FARS2: variants seen among roughly 807,000 people sequenced by gnomAD.
The protein encoded by FARS2 is phenylalanyl-tRNA synthetase 2, mitochondrial.
FARS2 carries 40 observed loss-of-function variants against 46.4 expected under a neutral mutation model. The observed-to-expected ratio is 0.86, with a 90% CI of 0.67 to 1.12. The LOEUF (loss-of-function observed/expected upper bound fraction) is 1.12, where lower values mean the gene tolerates loss of function less well. FARS2 is among the 50% of genes most tolerant of loss of function. FARS2 has a pLI of 0.00. For missense variants in FARS2, 513 were observed against 567.9 expected, an observed-to-expected ratio of 0.90 and a Z score of 0.98; for synonymous variants, 234 against 214.9, an observed-to-expected ratio of 1.09 and a Z score of -0.78.
intron 5 of FARS2, among the ~76,000 whole-genome samples, chr6:5,566,134 C>G (rs1053014420): frequency 1.3e-5 from 2 of 152,140 alleles, no homozygotes; most frequent in African/African-American, 4.8e-5. Context: ...GAGAAGACAG[C>G]GTAGTGCTTG....
At chr6:5,402,694 C>T (rs1226135075) in intron 2 of FARS2, among the ~76,000 whole-genome samples, 1 of 151,976 alleles carries the variant, frequency 6.6e-6, no homozygotes, top group East Asian at 1.9e-4. Context: ...TTTTCTCTTC[C>T]TACTCAATTG....
At chr6:5,701,088 G>A (rs1758404492) in intron 6 of FARS2, among the ~76,000 whole-genome samples, 1 of 152,268 alleles carries the variant, frequency 6.6e-6, no homozygotes, top group Admixed American at 6.5e-5. Context: ...AAAGGGTCCA[G>A]AAGGATCTAT....
At chr6:5,463,626 C>T (rs1212943138) in intron 4 of FARS2, among the ~76,000 whole-genome samples, 1 of 151,884 alleles carries the variant, frequency 6.6e-6, no homozygotes, top group Non-Finnish European at 1.5e-5. Flanking sequence ...TTTAATAATA[C>T]AAATTATCTG....
chr6:5,671,203 T>G (rs1778437779), intron 6 of FARS2, among the ~76,000 whole-genome samples: 1 of 152,344 alleles, frequency 6.6e-6, no homozygotes, highest in East Asian at 1.9e-4. Flanking sequence ...GGCCTGTTGC[T>G]GGCCAGAAGC....
intron 5 of FARS2, among the ~76,000 whole-genome samples, chr6:5,546,907 A>T (rs1254658124): frequency 6.6e-6 from 1 of 150,948 alleles, no homozygotes; most frequent in Non-Finnish European, 1.5e-5. Flanking sequence ...TCTTCCTTAA[A>T]TTCTTTCACA....
In FARS2 at chr6:5,562,522, C is replaced by T. The variant is rs187129083; in HGVS notation, c.1065+17182C>T. Among the ~76,000 whole-genome samples, 314 of 152,248 alleles carry T rather than the reference C, an allele frequency of 2.1e-3. 2 individuals are homozygous for T. The highest frequency in any genetic ancestry group is 0.017 in the Middle Eastern group (5 of 294). On this transcript the variant is annotated intron_variant, in intron 5 of 6. Transcript: ENST00000274680. Reference sequence around the variant, plus strand: ...ATAATCTCCTTAACATTCAGGTTTTCGGATGAGTGTTCATCAGAAAGCAAG... The same window carrying T: ...ATAATCTCCTTAACATTCAGGTTTTTGGATGAGTGTTCATCAGAAAGCAAG...
At chr6:5,283,779 A>G (rs1240463244) in intron 1 of FARS2, among the ~76,000 whole-genome samples, 2 of 151,504 alleles carry the variant, frequency 1.3e-5, no homozygotes, top group East Asian at 1.9e-4. Context: ...TATCAAATGT[A>G]TCAATACATG....
At chr6:5,513,720 G>T (rs1768596956) in intron 4 of FARS2, among the ~76,000 whole-genome samples, 1 of 152,166 alleles carries the variant, frequency 6.6e-6, no homozygotes, top group Non-Finnish European at 1.5e-5. Context: ...TGTTTATTAA[G>T]CGTTTAGTTT....
At chr6:5,294,244 A>G (rs939782949) in intron 1 of FARS2, among the ~76,000 whole-genome samples, 1 of 152,074 alleles carries the variant, frequency 6.6e-6, no homozygotes, top group Non-Finnish European at 1.5e-5. Context: ...CCTTGGTGTA[A>G]AAGGAGGTGG....
At chr6:5,466,119 C>T (rs1161912549) in intron 4 of FARS2, among the ~76,000 whole-genome samples, 1 of 152,160 alleles carries the variant, frequency 6.6e-6, no homozygotes, top group Non-Finnish European at 1.5e-5. Context: ...TAATGCGTAG[C>T]TCTCTGAATG....
At chr6:5,385,012 G>T (rs1398850118) in intron 2 of FARS2, among the ~76,000 whole-genome samples, 1 of 152,096 alleles carries the variant, frequency 6.6e-6, no homozygotes. Flanking sequence ...TTGATTAATT[G>T]GCATGTGGTG....
At chr6:5,709,904 A>T (rs148104541) in intron 6 of FARS2, among the ~76,000 whole-genome samples, 4 of 152,194 alleles carry the variant, frequency 2.6e-5, no homozygotes, top group Middle Eastern at 3.4e-3. Context: ...ATTAACCTGC[A>T]CTTCTTAGCT....
chr6:5,387,227 C>T (rs1447047603), intron 2 of FARS2, among the ~76,000 whole-genome samples: 1 of 152,150 alleles, frequency 6.6e-6, no homozygotes, highest in Non-Finnish European at 1.5e-5. Flanking sequence ...GGCATGATTT[C>T]TAAGTGACAT....
chr6:5,590,883 C>CT (rs1356036993), intron 5 of FARS2, among the ~76,000 whole-genome samples: 2 of 152,122 alleles, frequency 1.3e-5, no homozygotes, highest in Non-Finnish European at 2.9e-5. Flanking sequence ...CAGCTCATTG[C>CT]TTTGCACATT....
At chr6:5,437,473 G>C (rs1763588842) in intron 4 of FARS2, among the ~76,000 whole-genome samples, 1 of 151,982 alleles carries the variant, frequency 6.6e-6, no homozygotes, top group African/African-American at 2.4e-5. Flanking sequence ...TTATGGACTT[G>C]GCTATTTTAC....
At position 5,500,933 on chromosome 6, in the gene FARS2, C is replaced by CGAGAGA. The variant is rs58128430; in HGVS notation, c.905-44214_905-44209dup. Among the ~76,000 whole-genome samples the CGAGAGA allele has an allele frequency of 9.4e-4, 135 of 143,652 alleles. 1 individual carries two copies. The East Asian group carries it at 0.016, about 17-fold the overall frequency. 94.2% of individuals were successfully genotyped at this position (143,652 alleles called of 152,430 possible). ...ACATTCCAGTCAAGCTTCAAATCCC[C>CGAGAGA]GAGAGAGAGAGAGAGAGAGAGAGAG... is the stretch of plus-strand genomic sequence containing the variant. On this transcript the variant is annotated intron_variant, in intron 4 of 6. Transcript: ENST00000274680.
intron 3 of FARS2, among the ~76,000 whole-genome samples, chr6:5,416,446 A>G (rs1762244277): frequency 6.6e-6 from 1 of 152,142 alleles, no homozygotes; most frequent in South Asian, 2.1e-4. Context: ...TTAACCATGT[A>G]TGTCTGGGGC....
At chr6:5,416,758 A>T (rs1213839669) in intron 3 of FARS2, among the ~76,000 whole-genome samples, 1 of 151,786 alleles carries the variant, frequency 6.6e-6, no homozygotes, top group Non-Finnish European at 1.5e-5. Flanking sequence ...CCTTTGTCTT[A>T]TGAGGGGTAA....
intron 5 of FARS2, among the ~76,000 whole-genome samples, chr6:5,588,385 G>A (rs149520253): frequency 1.3e-5 from 2 of 152,128 alleles, no homozygotes; most frequent in African/African-American, 2.4e-5. Flanking sequence ...AATCTGGAAG[G>A]TGTTAACATT....
Sources: gnomAD v4.1 joint callset for allele counts (sites outside exome capture counted in the v4.1 genomes callset) on GRCh38, gnomAD v4.1.1 for gene constraint, MANE v1.5 for transcripts, NCBI Gene and HGNC (gene_info 2026-07-23, HGNC 2026-07-21) for gene names.